ZNF112: variants seen among roughly 807,000 people sequenced by gnomAD.
ZNF112 encodes zinc finger protein 112 (Y14).
ZNF112 carries 37 observed loss-of-function variants against 77.7 expected under a neutral mutation model. The ratio of observed to expected loss-of-function variants is 0.48; its 90% CI spans 0.37 to 0.63. The LOEUF is 0.63. Ranked by LOEUF, ZNF112 falls within the 20% of genes least tolerant of loss-of-function variation. The pLI, the probability that ZNF112 is intolerant of heterozygous loss-of-function variation, is 0.00. For synonymous variants in ZNF112, 333 were observed against 363.6 expected, an observed-to-expected ratio of 0.92 and a Z score of 0.96; for missense variants, 950 against 1,077.4, an observed-to-expected ratio of 0.88 and a Z score of 1.66.
At chr19:44,330,422 G>GT (rs1210013424) in intron 3 of ZNF112, among the ~76,000 whole-genome samples, 1 of 152,148 alleles carries the variant, frequency 6.6e-6, no homozygotes, top group Non-Finnish European at 1.5e-5. Context: ...CATGATGGCT[G>GT]TGTTCAAAAG....
chr19:44,359,315 CTTTTTTTTTTTTTTTT>C (rs767955186), upstream of ZNF112, among the ~76,000 whole-genome samples: 9 of 54,834 alleles, frequency 1.6e-4, 1 homozygote, highest in Non-Finnish European at 2.4e-4. Context: ...TATTAGAGTT[CTTTTTTTTTTTTTTTT>C]TTTTTTTTTT....
In ZNF112 at chr19:44,337,282, T is replaced by G. The variant is rs924986414; in HGVS notation, c.125-564A>C. 2.8e-4 allele frequency among the ~76,000 whole-genome samples: 39 copies of G among 137,846 alleles called. 1 individual carries two copies. The highest frequency in any genetic ancestry group is 3.6e-3 in the Middle Eastern group (1 of 274). 90.4% of individuals were successfully genotyped at this position (137,846 alleles called of 152,430 possible). A position where few individuals can be genotyped will look rare whatever the true frequency, so the allele number is the denominator to read the frequency against. Reference sequence around the variant, plus strand: ...TATATTTTTATATATATTATATATATTTCATATATGTATAAAATATATATA... The same window carrying G: ...TATATTTTTATATATATTATATATAGTTCATATATGTATAAAATATATATA... On this transcript the variant is annotated intron_variant, in intron 2 of 3. Transcript: ENST00000354340.
At chr19:44,348,378 T>A (rs1468307418) in intron 1 of ZNF112, among the ~76,000 whole-genome samples, 1 of 152,106 alleles carries the variant, frequency 6.6e-6, no homozygotes, top group African/African-American at 2.4e-5. Flanking sequence ...ATTTTTCAAT[T>A]TTTTTTCTCT....
intron 1 of ZNF112, among the ~76,000 whole-genome samples, chr19:44,366,100 A>G (rs962967610): frequency 1.3e-5 from 2 of 152,226 alleles, no homozygotes; most frequent in African/African-American, 4.8e-5. Flanking sequence ...TTGTAACCCC[A>G]GCACTTTGGG....
chr19:44,352,154 TGTG>T (rs199756651), intron 1 of ZNF112, among the ~76,000 whole-genome samples: 1 of 152,068 alleles, frequency 6.6e-6, no homozygotes, highest in East Asian at 1.9e-4. Flanking sequence ...GAATCTTGAT[TGTG>T]GTGGTGAAGT....
chr19:44,344,515 G>GATGTAAGCACAACT (rs1211123843), intron 1 of ZNF112, among the ~76,000 whole-genome samples: 1 of 152,162 alleles, frequency 6.6e-6, no homozygotes, highest in East Asian at 1.9e-4. Context: ...GAATCCACAG[G>GATGTAAGCACAACT]ATGTAAGCAC....
intron 1 of ZNF112, among the ~76,000 whole-genome samples, chr19:44,355,376 C>A (rs534814113): frequency 6.6e-6 from 1 of 151,852 alleles, no homozygotes; most frequent in Non-Finnish European, 1.5e-5. Flanking sequence ...TTACAATATG[C>A]AATAATTTAT....
At chr19:44,347,625 T>C (rs1353483475) in intron 1 of ZNF112, among the ~76,000 whole-genome samples, 1 of 151,736 alleles carries the variant, frequency 6.6e-6, no homozygotes. Flanking sequence ...TTAGCATTAC[T>C]GTTTTACTAC....
At chr19:44,351,721 C>T (rs10405091) in intron 1 of ZNF112, among the ~76,000 whole-genome samples, 5,210 of 151,900 alleles carry the variant, frequency 0.034, 245 homozygotes, top group African/African-American at 0.1. Context: ...GGCTCCTGGA[C>T]AAAATTAATT....
chr19:44,358,929 G>T (rs979512444), upstream of ZNF112, among the ~76,000 whole-genome samples: 1 of 152,140 alleles, frequency 6.6e-6, no homozygotes, highest in Non-Finnish European at 1.5e-5. Context: ...GGTGGTGGGG[G>T]CAGGGAGATA....
At chr19:44,364,482 G>T (rs1451717939) in intron 1 of ZNF112, among the ~76,000 whole-genome samples, 1 of 152,080 alleles carries the variant, frequency 6.6e-6, no homozygotes, top group African/African-American at 2.4e-5. Flanking sequence ...AGAATAAGGG[G>T]CAATTCTTTG....
chr19:44,352,032 A>G (rs1970702023), intron 1 of ZNF112, among the ~76,000 whole-genome samples: 2 of 152,044 alleles, frequency 1.3e-5, no homozygotes. Flanking sequence ...GTTATGGAAA[A>G]GGCAATGGGG....
chr19:44,346,783 C>A (rs1322423090), intron 1 of ZNF112, among the ~76,000 whole-genome samples: 1 of 152,132 alleles, frequency 6.6e-6, no homozygotes, highest in Non-Finnish European at 1.5e-5. Context: ...TCCCGCTGCA[C>A]AGAAATCTGT....
intron 3 of ZNF112, among the ~76,000 whole-genome samples, chr19:44,330,346 A>T (rs1007037992): frequency 1.2e-4 from 18 of 152,330 alleles, no homozygotes; most frequent in Admixed American, 1.0e-3. Context: ...TACAAATAGC[A>T]TCTACATAAT....
At chr19:44,334,511 G>A (rs1970329168) in intron 3 of ZNF112, among the ~76,000 whole-genome samples, 1 of 152,220 alleles carries the variant, frequency 6.6e-6, no homozygotes, top group Non-Finnish European at 1.5e-5. Flanking sequence ...TGGGGAAAAT[G>A]CCTCCAGGGC....
intron 2 of ZNF112, among the ~76,000 whole-genome samples, chr19:44,338,060 T>C (rs931385046): frequency 1.4e-5 from 2 of 142,152 alleles, no homozygotes; most frequent in Admixed American, 1.4e-4. Flanking sequence ...GCCAACAAAG[T>C]AAGAAAGTGC....
At chr19:44,333,246 A>G (rs1255039749) in intron 3 of ZNF112, among the ~76,000 whole-genome samples, 1 of 152,110 alleles carries the variant, frequency 6.6e-6, no homozygotes, top group Non-Finnish European at 1.5e-5. Flanking sequence ...GAACTCAGAG[A>G]AAAAAAATCT....
chr19:44,344,321 TTA>T (rs1970547090), intron 1 of ZNF112, among the ~76,000 whole-genome samples: 4 of 21,616 alleles, frequency 1.9e-4, no homozygotes, highest in African/African-American at 4.7e-4. Context: ...GTTTGTTACT[TTA>T]CTTTACTTAC....
intron 3 of ZNF112, among the ~76,000 whole-genome samples, chr19:44,330,729 C>T (rs1180800798): frequency 6.6e-6 from 1 of 152,164 alleles, no homozygotes; most frequent in Non-Finnish European, 1.5e-5. Context: ...GAATGAGATC[C>T]TGTCTCAAAC....
Sources: gnomAD v4.1 joint callset for allele counts (sites outside exome capture counted in the v4.1 genomes callset) on GRCh38, gnomAD v4.1.1 for gene constraint, MANE v1.5 for transcripts, NCBI Gene and HGNC (gene_info 2026-07-23, HGNC 2026-07-21) for gene names.